The following PPM1H variants were observed in gnomAD, a reference collection of about 807,000 sequenced individuals.
The protein encoded by PPM1H is protein phosphatase 1H.
Under a neutral mutation model 54.9 loss-of-function variants are expected in PPM1H, and 27 were observed. The observed-to-expected ratio is 0.49, with a 90% CI of 0.36 to 0.68. The LOEUF is 0.68. PPM1H is among the 30% of genes least tolerant of loss of function. The pLI, the probability that PPM1H is intolerant of heterozygous loss-of-function variation, is 0.00. For missense variants in PPM1H, 596 were observed against 667.8 expected (o/e 0.89, Z 1.19); for synonymous variants, 305 against 270.8 (o/e 1.13, Z -1.24).
chr12:62,644,779 T>C lies in PPM1H; in HGVS notation c.*3710A>G, dbSNP rs920181869. 2 of 152,358 alleles carry C rather than the reference T, an allele frequency of 1.3e-5. No individual in the cohort carries two copies. The highest frequency in any genetic ancestry group is 1.3e-4 in the Admixed American group (2 of 15,310). 9.4% of individuals were successfully genotyped at this position (152,358 alleles called of 1,614,324 possible). A position where few individuals can be genotyped will look rare whatever the true frequency, so the allele number is the denominator to read the frequency against. On this transcript the variant is annotated 3_prime_UTR_variant, in exon 10 of 10. Transcript: ENST00000228705. ...TTGTTAAGTCTTCAAAAATCTGAGT[T>C]CCTCACATAAAATTCTGTGCTGTGG...
intron 9 of PPM1H, among the ~76,000 whole-genome samples, chr12:62,652,962 A>ATCTT (rs1218631483): frequency 1.2e-4 from 18 of 152,126 alleles, no homozygotes. Flanking sequence ...GATTAAGAAA[A>ATCTT]TCTTTATTTT....
rs1360138149 is a variant in PPM1H, at chr12:62,648,272, C to A, written c.*217G>T. On this transcript the variant is annotated 3_prime_UTR_variant, in exon 10 of 10. Coordinates refer to ENST00000228705, the MANE Select transcript of PPM1H (RefSeq NM_020700.2). Reference sequence around the variant, plus strand: ...GAAATACAACAACACTTGGTAGCAGCCTTTGTGTTTTGCTCTTGTTGAGTT... The same window carrying A: ...GAAATACAACAACACTTGGTAGCAGACTTTGTGTTTTGCTCTTGTTGAGTT... 4 of 541,876 alleles carry A rather than the reference C, an allele frequency of 7.4e-6. No individual in the cohort carries two copies. The highest frequency in any genetic ancestry group is 9.8e-6 in the Non-Finnish European group (3 of 307,342). 33.6% of individuals were successfully genotyped at this position (541,876 alleles called of 1,614,324 possible). A position where few individuals can be genotyped will look rare whatever the true frequency, so the allele number is the denominator to read the frequency against.
At chr12:62,684,616 C>T (rs1403825946) in intron 8 of PPM1H, among the ~76,000 whole-genome samples, 2 of 152,096 alleles carry the variant, frequency 1.3e-5, no homozygotes, top group Non-Finnish European at 2.9e-5. Context: ...ACACATTCCA[C>T]CCCCAGCCCC....
intron 1 of PPM1H, among the ~76,000 whole-genome samples, chr12:62,890,783 A>T (rs1870766178): frequency 6.6e-6 from 1 of 151,836 alleles, no homozygotes; most frequent in South Asian, 2.1e-4. Flanking sequence ...AAACAGCAAG[A>T]AAACATGTCT....
intron 9 of PPM1H, among the ~76,000 whole-genome samples, chr12:62,666,067 T>C (rs2136610907): frequency 6.6e-6 from 1 of 152,068 alleles, no homozygotes. Flanking sequence ...TATTTTATAT[T>C]ATTGTTGGCT....
intron 4 of PPM1H, among the ~76,000 whole-genome samples, chr12:62,739,876 G>A (rs2076372309): frequency 6.6e-6 from 1 of 152,210 alleles, no homozygotes; most frequent in Admixed American, 6.5e-5. Flanking sequence ...GGAAAGAGGG[G>A]CCTTCAGCTA....
At chr12:62,723,747 G>A (rs947594488) in intron 5 of PPM1H, among the ~76,000 whole-genome samples, 2 of 152,170 alleles carry the variant, frequency 1.3e-5, no homozygotes, top group South Asian at 2.1e-4. Context: ...GTGTGTGTGT[G>A]TAAATACAGA....
At chr12:62,683,443 G>A (rs2076034510) in intron 8 of PPM1H, among the ~76,000 whole-genome samples, 1 of 152,166 alleles carries the variant, frequency 6.6e-6, no homozygotes, top group African/African-American at 2.4e-5. Flanking sequence ...TGCTTGTGCA[G>A]TCCTCTGGTA....
chr12:62,738,438 T>C (rs953415120), intron 4 of PPM1H, among the ~76,000 whole-genome samples: 2 of 152,136 alleles, frequency 1.3e-5, no homozygotes, highest in South Asian at 2.1e-4. Flanking sequence ...CTAAGAGCTA[T>C]TGCCCAGTCA....
intron 4 of PPM1H, among the ~76,000 whole-genome samples, chr12:62,750,970 T>C (rs1007172187): frequency 6.6e-6 from 1 of 152,222 alleles, no homozygotes; most frequent in African/African-American, 2.4e-5. Flanking sequence ...ACCGTACGGT[T>C]CCCCAGCACA....
At chr12:62,683,080 T>C (rs893947206) in intron 8 of PPM1H, among the ~76,000 whole-genome samples, 1 of 135,560 alleles carries the variant, frequency 7.4e-6, no homozygotes, top group Non-Finnish European at 1.6e-5. Context: ...TTATTATTAT[T>C]ATTATTTTTG....
chr12:62,741,284 T>A (rs1479694387), intron 4 of PPM1H, among the ~76,000 whole-genome samples: 1 of 152,178 alleles, frequency 6.6e-6, no homozygotes, highest in Non-Finnish European at 1.5e-5. Flanking sequence ...TGATTCCTGC[T>A]AGTGCCTTGG....
At chr12:62,652,929 G>A (rs565181148) in intron 9 of PPM1H, among the ~76,000 whole-genome samples, 2 of 152,154 alleles carry the variant, frequency 1.3e-5, no homozygotes, top group South Asian at 2.1e-4. Context: ...TGGTCTGTGA[G>A]TGGTAAGCTC....
chr12:62,788,314 T>G lies in PPM1H; in HGVS notation c.781A>C (p.Ser261Arg). 1 of 1,579,736 alleles carries G rather than the reference T, an allele frequency of 6.3e-7. No homozygotes were observed. The highest frequency in any genetic ancestry group is 8.6e-7 in the Non-Finnish European group (1 of 1,160,824). The part of the protein sequence containing the change: ...EMDLQIERER[S>R]SYNISGGCTA... ...CAGCCACCAGATATATTATATGAAC[T>G]CCTCTCTCGTTCTATCTGTAGGTCC... The change falls in exon 4 of 10, where the codon AGT (serine) becomes CGT (arginine). Residue 261 changes from serine (S) to arginine (R), a missense_variant. Ser to Arg is a moderately radical substitution (Grantham distance 110). This residue lies in a region of PPM1H where 382 missense variants were observed against 387.1 expected (regional missense o/e 0.99). Coordinates refer to ENST00000228705, the MANE Select transcript of PPM1H (RefSeq NM_020700.2).
intron 9 of PPM1H, among the ~76,000 whole-genome samples, chr12:62,652,670 A>G (rs975179699): frequency 6.6e-6 from 1 of 152,194 alleles, no homozygotes; most frequent in African/African-American, 2.4e-5. Context: ...AATTTTTAGT[A>G]TATAAGTTAA....
At chr12:62,719,734 AT>A (rs1488998254) in intron 6 of PPM1H, among the ~76,000 whole-genome samples, 1 of 152,204 alleles carries the variant, frequency 6.6e-6, no homozygotes, top group Non-Finnish European at 1.5e-5. Flanking sequence ...CCATGGAAAA[AT>A]GGGCTCTAGA....
chr12:62,683,040 TTATTATTATTATTA>T lies in PPM1H; in HGVS notation c.1245+6645_1245+6658del, dbSNP rs2076030258. Among the ~76,000 whole-genome samples, 5 of 36,828 alleles carry T rather than the reference TTATTATTATTATTA, an allele frequency of 1.4e-4. No homozygotes were observed. The South Asian group carries it at 1.8e-3, about 13-fold the overall frequency. The allele number at this position is 36,828 out of a possible 152,430, so 24.2% of individuals were successfully genotyped here. A position where few individuals can be genotyped will look rare whatever the true frequency, so the allele number is the denominator to read the frequency against. ...ATTTGGGAGAGTTTATTATTTATTATTATTATTATTATTATTATTATTATTATTATTATTATTAT... is the reference window on the plus strand; with the variant it reads ...ATTTGGGAGAGTTTATTATTTATTATTTATTATTATTATTATTATTATTAT... On this transcript the variant is annotated intron_variant, in intron 8 of 9. Coordinates refer to ENST00000228705, the MANE Select transcript of PPM1H (RefSeq NM_020700.2).
chr12:62,737,217 TA>T (rs111659461), intron 5 of PPM1H, among the ~76,000 whole-genome samples: 366 of 134,276 alleles, frequency 2.7e-3, no homozygotes, highest in South Asian at 0.011. Flanking sequence ...AAGAAGCCAT[TA>T]AAAAAAAAAA....
intron 1 of PPM1H, among the ~76,000 whole-genome samples, chr12:62,910,447 A>G (rs1351577942): frequency 6.6e-6 from 1 of 152,224 alleles, no homozygotes; most frequent in Non-Finnish European, 1.5e-5. Flanking sequence ...GGGCATTCAA[A>G]GAGAGAAAGA....
Sources: gnomAD v4.1 joint callset for allele counts (sites outside exome capture counted in the v4.1 genomes callset) on GRCh38, gnomAD v4.1.1 for gene constraint, gnomAD v4.1.1 regional missense constraint, MANE v1.5 for transcripts, NCBI Gene and HGNC (gene_info 2026-07-23, HGNC 2026-07-21) for gene names.